The following GRM7 variants were observed in gnomAD, a reference collection of about 807,000 sequenced individuals.
GRM7 encodes glutamate metabotropic receptor 7.
In GRM7, 35 loss-of-function variants were observed where a neutral mutation model predicts 84.5. That is an observed-to-expected ratio of 0.41 (90% CI 0.32 to 0.55). The LOEUF (loss-of-function observed/expected upper bound fraction) is 0.55, where lower values mean the gene tolerates loss of function less well. GRM7 is among the 20% of genes least tolerant of loss of function. The probability of loss-of-function intolerance (pLI) is 0.19; values close to 1 mark genes in which losing one functional copy is unlikely to be tolerated. For missense variants in GRM7, 1,003 were observed against 1,194.6 expected, an observed-to-expected ratio of 0.84 and a Z score of 2.36; for synonymous variants, 487 against 455.1, an observed-to-expected ratio of 1.07 and a Z score of -0.89.
At chr3:7,566,785 T>C (rs1309930611) in intron 7 of GRM7, among the ~76,000 whole-genome samples, 1 of 152,232 alleles carries the variant, frequency 6.6e-6, no homozygotes, top group East Asian at 1.9e-4. Context: ...CGTAAGGCTG[T>C]CCCGATTCTT....
chr3:7,576,581 C>T (rs890242645), intron 7 of GRM7, among the ~76,000 whole-genome samples: 2 of 152,126 alleles, frequency 1.3e-5, no homozygotes, highest in Non-Finnish European at 2.9e-5. Context: ...CACTGAAATT[C>T]CAATATGCAA....
chr3:7,625,521 T>A, intron 8 of GRM7, among the ~76,000 whole-genome samples: 1 of 152,188 alleles, frequency 6.6e-6, no homozygotes, highest in African/African-American at 2.4e-5. Flanking sequence ...AACAGGGACA[T>A]TGGCTGGGCT....
intron 8 of GRM7, among the ~76,000 whole-genome samples, chr3:7,633,602 A>T (rs1697947579): frequency 6.6e-6 from 1 of 152,176 alleles, no homozygotes; most frequent in Non-Finnish European, 1.5e-5. Flanking sequence ...AGCCCTAAAT[A>T]CTGAAGCCCT....
chr3:7,152,134 A>T (rs7623514), intron 2 of GRM7, among the ~76,000 whole-genome samples: 2 of 152,182 alleles, frequency 1.3e-5, no homozygotes, highest in East Asian at 3.9e-4. Flanking sequence ...TCCTCAAGAA[A>T]GACTTGCATT....
At chr3:7,328,497 C>T (rs995765357) in intron 4 of GRM7, among the ~76,000 whole-genome samples, 10 of 152,160 alleles carry the variant, frequency 6.6e-5, no homozygotes, top group Non-Finnish European at 1.5e-4. Flanking sequence ...TGAACCTTGA[C>T]CCCTTCTCTA....
At chr3:7,038,632 A>G (rs139909764) in intron 1 of GRM7, among the ~76,000 whole-genome samples, 115 of 152,286 alleles carry the variant, frequency 7.6e-4, no homozygotes, top group Middle Eastern at 3.4e-3. Flanking sequence ...TACTTTCATC[A>G]TGATGTGTTC....
intron 5 of GRM7, among the ~76,000 whole-genome samples, chr3:7,417,427 T>C (rs937387585): frequency 6.6e-6 from 1 of 152,164 alleles, no homozygotes; most frequent in South Asian, 2.1e-4. Context: ...CTTTCTTTGA[T>C]AGTATTCCAA....
chr3:7,019,204 T>C (rs1485505216), intron 1 of GRM7, among the ~76,000 whole-genome samples: 1 of 152,232 alleles, frequency 6.6e-6, no homozygotes, highest in African/African-American at 2.4e-5. Flanking sequence ...TTGAGAGCAA[T>C]GTAGTTTCTC....
At chr3:7,276,773 T>TC in intron 2 of GRM7, among the ~76,000 whole-genome samples, 2 of 3,548 alleles carry the variant, frequency 5.6e-4, no homozygotes, top group African/African-American at 9.9e-4. Context: ...CTCCCTTCCT[T>TC]CCTTCCTTCC....
At chr3:7,224,527 C>A (rs1037705683) in intron 2 of GRM7, among the ~76,000 whole-genome samples, 1 of 152,130 alleles carries the variant, frequency 6.6e-6, no homozygotes. Flanking sequence ...ACAGTCATGG[C>A]CCTTGTAGAT....
At chr3:6,997,632 T>A (rs991140660) in intron 1 of GRM7, among the ~76,000 whole-genome samples, 1 of 152,164 alleles carries the variant, frequency 6.6e-6, no homozygotes, top group Non-Finnish European at 1.5e-5. Context: ...CAATTCAAGA[T>A]GAGAGGTGGG....
chr3:6,861,508 G>T lies in GRM7; in HGVS notation c.120G>T (p.Pro40=), dbSNP rs752485323. ...CGCGCGGCCAGGAGATGTACGCCCC[G>T]CACTCAATCCGGATCGAGGGGGACG... ...AAARGQEMYA[P]HSIRIEGDVT... Residue 40 remains proline (P), a synonymous_variant, in exon 1 of 10, where the codon CCG becomes CCT. Transcript: ENST00000357716. This position sits in a 1 kb window ranked among gnomAD's most constrained non-coding sequence, Gnocchi z 6.4. The T allele has an allele frequency of 7.0e-6, 11 of 1,577,888 alleles. No individual in the cohort carries two copies. In the Admixed American group the frequency reaches 1.5e-4, roughly 21 times the overall value.
rs939772745 is a variant in GRM7, at chr3:7,525,857, T to G, written c.1516-52565T>G. 4.6e-5 allele frequency among the ~76,000 whole-genome samples: 7 copies of G among 152,270 alleles called. No homozygotes were observed. The East Asian group carries it at 1.4e-3, about 29-fold the overall frequency. On this transcript the variant is annotated intron_variant, in intron 7 of 9. Transcript: ENST00000357716. Reference sequence around the variant, plus strand: ...TTCACTTAGGATAATAGCCTTCAGCTCCATCCATGTTCCTGCAAGGGAAAT... The same window carrying G: ...TTCACTTAGGATAATAGCCTTCAGCGCCATCCATGTTCCTGCAAGGGAAAT...
At position 7,034,407 on chromosome 3, in the gene GRM7, A is replaced by G. The variant is rs79030981; in HGVS notation, c.520-112045A>G. On this transcript the variant is annotated intron_variant, in intron 1 of 9. Coordinates refer to ENST00000357716, the MANE Select transcript of GRM7 (RefSeq NM_000844.4). The stretch of plus-strand genomic sequence containing the variant: ...TACCTGGGCTACAGATGAATTATCA[A>G]AAAGAACCACTTCTCCCAAAGCATT... Among the ~76,000 whole-genome samples the G allele has an allele frequency of 3.5e-3, 540 of 152,292 alleles. 3 individuals carry two copies. The highest frequency in any genetic ancestry group is 0.012 in the African/African-American group (503 of 41,568).
chr3:7,610,232 C>T (rs2125078838), intron 8 of GRM7, among the ~76,000 whole-genome samples: 1 of 152,246 alleles, frequency 6.6e-6, no homozygotes, highest in Non-Finnish European at 1.5e-5. Context: ...CTCTTGGAAT[C>T]AATTCTTTAA....
intron 1 of GRM7, among the ~76,000 whole-genome samples, chr3:6,968,394 C>T (rs480409): frequency 0.22 from 33,036 of 151,960 alleles, 4,484 homozygotes; most frequent in East Asian, 0.62. Flanking sequence ...TAAGAAAGGT[C>T]GTATTCTGAG....
rs146374729 is a variant in GRM7 at position 7,536,264 on chromosome 3, A to G, written c.1516-42158A>G. 1.6e-3 allele frequency among the ~76,000 whole-genome samples: 249 copies of G among 152,276 alleles called. 1 individual carries two copies. The highest frequency in any genetic ancestry group is 5.6e-3 in the African/African-American group (233 of 41,544). ...CCCAGGAAGCATGGTAAGATAATGA[A>G]CAACAGAAGAAAACCAATAACTATT... is the stretch of plus-strand genomic sequence containing the variant. On this transcript the variant is annotated intron_variant, in intron 7 of 9. Transcript: ENST00000357716.
At chr3:7,467,393 T>G (rs1698504884) in intron 7 of GRM7, among the ~76,000 whole-genome samples, 1 of 152,142 alleles carries the variant, frequency 6.6e-6, no homozygotes, top group African/African-American at 2.4e-5. Flanking sequence ...GGCGCCAAGT[T>G]TTCCTTTTTA....
At chr3:7,319,172 A>G (rs528616724) in intron 4 of GRM7, among the ~76,000 whole-genome samples, 82 of 152,190 alleles carry the variant, frequency 5.4e-4, no homozygotes, top group African/African-American at 1.9e-3. Context: ...TTATAATGTC[A>G]GAGGATGGAT....
Sources: gnomAD v4.1 joint callset for allele counts (sites outside exome capture counted in the v4.1 genomes callset) on GRCh38, gnomAD v4.1.1 for gene constraint, Gnocchi (gnomAD v3.1) non-coding constraint, MANE v1.5 for transcripts, NCBI Gene and HGNC (gene_info 2026-07-23, HGNC 2026-07-21) for gene names.